Variants in SARDH observed in about 807,000 individuals in gnomAD.
SARDH encodes sarcosine dehydrogenase, mitochondrial.
A neutral mutation model predicts 109.1 loss-of-function variants in SARDH; 95 were observed. The observed-to-expected ratio is 0.87, with a 90% CI of 0.74 to 1.03. The LOEUF is 1.03. Among genes scored for constraint, SARDH ranks in the 50% least tolerant of loss-of-function variants. SARDH has a pLI of 0.00. For synonymous variants in SARDH, 572 were observed against 534.8 expected (o/e 1.07, Z -0.96); for missense variants, 1,267 against 1,287.8 (o/e 0.98, Z 0.25).
Position 133,738,311 on chromosome 9 carries a change from T to C in SARDH, c.-88A>G, listed in dbSNP as rs1265240399. On this transcript the variant is annotated 5_prime_UTR_variant, in exon 1 of 21. Transcript: ENST00000439388. ...GAGTGCTTGGCCCAGCAGAGGTGCC[T>C]TCACCTTCTTGCTTCCCAAGCAGTG... The C allele has an allele frequency of 1.3e-5, 2 of 152,244 alleles. No homozygotes were observed. The highest frequency in any genetic ancestry group is 4.8e-5 in the African/African-American group (2 of 41,444). The allele number at this position is 152,244 out of a possible 1,614,324, so 9.4% of individuals were successfully genotyped here.
intron 13 of SARDH, among the ~76,000 whole-genome samples, chr9:133,697,806 CATT>C (rs764126780): frequency 2.2e-4 from 34 of 151,998 alleles, no homozygotes; most frequent in Non-Finnish European, 4.3e-4. Context: ...ACATTGCAAA[CATT>C]ATACTTCATG....
intron 19 of SARDH, among the ~76,000 whole-genome samples, chr9:133,669,909 G>A (rs1036647801): frequency 6.6e-6 from 1 of 152,230 alleles, no homozygotes; most frequent in Non-Finnish European, 1.5e-5. Flanking sequence ...CCACAGAGGG[G>A]TGGCCTGGGC....
chr9:133,687,196 T>G (rs1472232665), intron 16 of SARDH, among the ~76,000 whole-genome samples: 1 of 152,236 alleles, frequency 6.6e-6, no homozygotes, highest in Admixed American at 6.5e-5. Flanking sequence ...GTGCTAACCA[T>G]GACCACAGCG....
chr9:133,694,331 G>GC lies in SARDH; in HGVS notation c.1847dup (p.Thr617HisfsTer4), dbSNP rs1831207948. On this transcript the variant is annotated frameshift_variant, in exon 15 of 21. Transcript: ENST00000439388. LOFTEE classifies it high-confidence loss of function. ...GGCTGACAGTCAGGTCACTCTCGGT[G>GC]CCCCCACGGTGGTTGAGCATGCACG... The GC allele has an allele frequency of 1.9e-6, 3 of 1,550,592 alleles. No homozygotes were observed. Among genetic ancestry groups the GC allele is most frequent in the Non-Finnish European group, 2.6e-6 (3 of 1,146,952 alleles).
At chr9:133,688,932 G>A (rs926429604) in intron 16 of SARDH, among the ~76,000 whole-genome samples, 1 of 152,222 alleles carries the variant, frequency 6.6e-6, no homozygotes, top group Non-Finnish European at 1.5e-5. Flanking sequence ...CGTCTACCGT[G>A]TGCCCCTGAG....
chr9:133,689,834 T>C (rs1328084465), intron 16 of SARDH, among the ~76,000 whole-genome samples: 1 of 152,162 alleles, frequency 6.6e-6, no homozygotes, highest in Admixed American at 6.5e-5. Flanking sequence ...GACTCTTCTG[T>C]GGCTGTGTGC....
In SARDH at chr9:133,704,716, G is replaced by A. The variant is rs748533289; in HGVS notation, c.1554+232C>T. 2.0e-5 allele frequency among the ~76,000 whole-genome samples: 3 copies of A among 152,216 alleles called. No homozygotes were observed. The highest frequency in any genetic ancestry group is 1.9e-4 in the East Asian group (1 of 5,196). Reference sequence around the variant, plus strand: ...CATGGAAGGCCTGGCCACAGCGGACGGGTAGTGGGGAGGACGAGGAGTGGG... The same window carrying A: ...CATGGAAGGCCTGGCCACAGCGGACAGGTAGTGGGGAGGACGAGGAGTGGG... On this transcript the variant is annotated intron_variant, in intron 12 of 20. Transcript: ENST00000439388. This position sits in a 1 kb window ranked among gnomAD's most constrained non-coding sequence, Gnocchi z 4.5.
rs567188937 is a variant in SARDH at position 133,666,246 on chromosome 9, C to T, written c.2631+489G>A. On this transcript the variant is annotated intron_variant, in intron 20 of 20. Coordinates refer to ENST00000439388, the MANE Select transcript of SARDH (RefSeq NM_001134707.2). This position sits in a 1 kb window ranked among gnomAD's most constrained non-coding sequence, Gnocchi z 5.2. ...GGGTCTCTGAGTCTCTAGTCGGTCA[C>T]CCTGGGGGCCACCCCTGCACCCCAG... 3.9e-5 allele frequency among the ~76,000 whole-genome samples: 6 copies of T among 152,030 alleles called. No individual in the cohort carries two copies. The highest frequency in any genetic ancestry group is 1.9e-4 in the East Asian group (1 of 5,164).
intron 19 of SARDH, among the ~76,000 whole-genome samples, chr9:133,668,024 C>T (rs553768125): frequency 8.5e-5 from 13 of 152,162 alleles, no homozygotes; most frequent in Admixed American, 1.3e-4. Flanking sequence ...CTGAGCAGAG[C>T]GCACTGGGTC....
chr9:133,662,548 C>G (rs1045037174), downstream of SARDH, among the ~76,000 whole-genome samples: 2 of 152,346 alleles, frequency 1.3e-5, no homozygotes, highest in East Asian at 3.9e-4. The surrounding 1 kb of genome is among the most constrained non-coding windows in gnomAD (Gnocchi z 5.1). Flanking sequence ...TGGTCTCCAG[C>G]CGCAGCCCCC....
At chr9:133,703,660 C>G (rs1257741235) in intron 12 of SARDH, 1 of 152,916 alleles carries the variant, frequency 6.5e-6, no homozygotes, top group African/African-American at 2.4e-5. Flanking sequence ...TGCAGACAAC[C>G]CCCCACCCCG....
At chr9:133,720,301 A>AC (rs1832280279) in intron 6 of SARDH, among the ~76,000 whole-genome samples, 1 of 152,068 alleles carries the variant, frequency 6.6e-6, no homozygotes, top group East Asian at 1.9e-4. Context: ...GGTGGTGGGC[A>AC]GCTGTAATCC....
downstream of SARDH, among the ~76,000 whole-genome samples, chr9:133,661,301 C>T (rs1440865822): frequency 6.6e-6 from 1 of 151,268 alleles, no homozygotes. Flanking sequence ...GATCACACCA[C>T]TGTACTCCAG....
At chr9:133,730,470 TAAAA>T (rs71503358) in intron 4 of SARDH, among the ~76,000 whole-genome samples, 3,912 of 147,230 alleles carry the variant, frequency 0.027, 100 homozygotes, top group East Asian at 0.1. Context: ...GACTTTTTTT[TAAAA>T]AAAAAAAGCA....
chr9:133,732,869 C>T (rs1432660196), intron 2 of SARDH, among the ~76,000 whole-genome samples: 1 of 152,178 alleles, frequency 6.6e-6, no homozygotes, highest in Non-Finnish European at 1.5e-5. Flanking sequence ...TGCCAAGCCC[C>T]GTGCTAAGCC....
downstream of SARDH, among the ~76,000 whole-genome samples, chr9:133,659,963 T>A (rs1418620397): frequency 6.6e-6 from 1 of 152,040 alleles, no homozygotes; most frequent in Non-Finnish European, 1.5e-5. Flanking sequence ...GCAGGGAAAC[T>A]GAGACTCCCA....
chr9:133,681,996 G>A (rs1830712569), intron 17 of SARDH, among the ~76,000 whole-genome samples: 1 of 152,132 alleles, frequency 6.6e-6, no homozygotes, highest in African/African-American at 2.4e-5. Flanking sequence ...GGTAGCACTG[G>A]GCAAGCGAGG....
intron 11 of SARDH, 25 bp downstream of exon 11, chr9:133,708,262 C>T: frequency 6.2e-7 from 1 of 1,603,326 alleles, no homozygotes; most frequent in Non-Finnish European, 8.5e-7. Context: ...CTGCCAGTCC[C>T]CAGCAGGAGC....
chr9:133,732,684 A>AT, intron 2 of SARDH, 83 bp from the exon 3 acceptor site: 7 of 1,428,776 alleles, frequency 4.9e-6, no homozygotes, highest in Non-Finnish European at 9.4e-7. Flanking sequence ...GGATACCCTG[A>AT]TATTCAACCA....
Sources: allele counts gnomAD v4.1 joint callset (sites outside exome capture counted in the v4.1 genomes callset), GRCh38; gene constraint gnomAD v4.1.1; non-coding constraint Gnocchi (gnomAD v3.1); transcripts MANE v1.5; gene names NCBI Gene and HGNC (gene_info 2026-07-23, HGNC 2026-07-21).